ADAMTSL1: variants seen among roughly 807,000 people sequenced by gnomAD.
ADAMTSL1 encodes the protein ADAMTS like 1.
In ADAMTSL1, 126 loss-of-function variants were observed where a neutral mutation model predicts 201.8. The observed-to-expected ratio is 0.62, with a 90% confidence interval of 0.54 to 0.72. ADAMTSL1 has a LOEUF of 0.72. Ranked by LOEUF, ADAMTSL1 falls within the 30% of genes least tolerant of loss-of-function variation. The probability of loss-of-function intolerance (pLI) is 0.00; values close to 1 mark genes in which losing one functional copy is unlikely to be tolerated. For missense variants in ADAMTSL1, 2,679 were observed against 2,277.8 expected (o/e 1.18, Z -3.59); for synonymous variants, 1,121 against 903.4 (o/e 1.24, Z -4.32).
chr9:18,379,411 T>G (rs570988012), intron 2 of ADAMTSL1, among the ~76,000 whole-genome samples: 1 of 152,348 alleles, frequency 6.6e-6, no homozygotes, highest in East Asian at 1.9e-4. Context: ...TTTTCCCCTA[T>G]TGTTCAGTTT....
intron 1 of ADAMTSL1, among the ~76,000 whole-genome samples, chr9:17,987,877 C>T (rs192413967): frequency 6.6e-6 from 1 of 152,054 alleles, no homozygotes; most frequent in Admixed American, 6.6e-5. Context: ...CCTTTAATCT[C>T]TCTGTGATAA....
chr9:18,811,363 C>A (rs1295708806), intron 20 of ADAMTSL1, among the ~76,000 whole-genome samples: 1 of 152,216 alleles, frequency 6.6e-6, no homozygotes, highest in Non-Finnish European at 1.5e-5. Flanking sequence ...CCTTTCCCTC[C>A]CCACTGGGGT....
At chr9:18,254,667 GCCC>G (rs530444304) in intron 2 of ADAMTSL1, among the ~76,000 whole-genome samples, 1 of 41,816 alleles carries the variant, frequency 2.4e-5, no homozygotes, top group African/African-American at 8.1e-5. Context: ...CTGCCCCCCC[GCCC>G]CCCCCAGTAC....
chr9:18,279,623 T>G (rs1832709193), intron 2 of ADAMTSL1, among the ~76,000 whole-genome samples: 1 of 152,008 alleles, frequency 6.6e-6, no homozygotes, highest in Non-Finnish European at 1.5e-5. Context: ...CACTAGTAAC[T>G]GGACCTTAAG....
intron 1 of ADAMTSL1, among the ~76,000 whole-genome samples, chr9:18,099,828 G>T (rs1294701348): frequency 6.6e-6 from 1 of 151,584 alleles, no homozygotes; most frequent in East Asian, 1.9e-4. Context: ...GGGTTTCACT[G>T]TGTTACCCAG....
At chr9:18,068,882 T>C (rs549887102) in intron 1 of ADAMTSL1, among the ~76,000 whole-genome samples, 8 of 152,322 alleles carry the variant, frequency 5.3e-5, no homozygotes, top group Middle Eastern at 3.4e-3. Flanking sequence ...TACAGCACTT[T>C]ACTCTGGGAC....
Position 18,272,118 on chromosome 9 carries a change from C to T in ADAMTSL1, c.207+108137C>T, listed in dbSNP as rs536458484. Among the ~76,000 whole-genome samples the T allele has an allele frequency of 5.6e-3, 857 of 152,152 alleles. 9 individuals carry two copies. The highest frequency in any genetic ancestry group is 0.02 in the African/African-American group (830 of 41,510). On this transcript the variant is annotated intron_variant, in intron 2 of 29. Transcript: ENST00000680146. ...TAGATTGCAAAACTTTTCTCCCATT[C>T]TGTAGGTTGCCTGTTCACTCTGATG...
intron 1 of ADAMTSL1, among the ~76,000 whole-genome samples, chr9:18,112,754 A>G (rs1395495127): frequency 6.6e-6 from 1 of 152,144 alleles, no homozygotes; most frequent in East Asian, 1.9e-4. Flanking sequence ...CTCAATGTCA[A>G]TATCCCCCTC....
At chr9:18,590,573 TC>T (rs1304056669) in intron 4 of ADAMTSL1, among the ~76,000 whole-genome samples, 1 of 152,002 alleles carries the variant, frequency 6.6e-6, no homozygotes, top group African/African-American at 2.4e-5. Context: ...TTTAGTTTGT[TC>T]TTTTTTTTCT....
chr9:18,107,205 T>C (rs535915429), intron 1 of ADAMTSL1, among the ~76,000 whole-genome samples: 9 of 152,206 alleles, frequency 5.9e-5, no homozygotes, highest in South Asian at 2.1e-4. Flanking sequence ...GATTTGGAGA[T>C]AGAAGTGGTC....
intron 2 of ADAMTSL1, among the ~76,000 whole-genome samples, chr9:18,451,350 T>C (rs954100716): frequency 1.3e-5 from 2 of 152,132 alleles, no homozygotes; most frequent in Non-Finnish European, 2.9e-5. Context: ...TTATAATTAG[T>C]TTAGAAGTGA....
chr9:18,729,649 T>G (rs1483698467), intron 15 of ADAMTSL1, among the ~76,000 whole-genome samples: 2 of 152,112 alleles, frequency 1.3e-5, no homozygotes, highest in Non-Finnish European at 2.9e-5. Flanking sequence ...AAATGTCTAT[T>G]GAATGCCTGC....
At chr9:18,010,211 T>G (rs543912949) in intron 1 of ADAMTSL1, among the ~76,000 whole-genome samples, 2 of 152,142 alleles carry the variant, frequency 1.3e-5, no homozygotes, top group Non-Finnish European at 2.9e-5. Flanking sequence ...TTAAGGCAGA[T>G]TCTTAAAGTT....
chr9:18,425,178 G>A lies in ADAMTSL1; in HGVS notation c.208-79651G>A, dbSNP rs1030299595. 6.2e-5 allele frequency among the ~76,000 whole-genome samples: 9 copies of A among 145,240 alleles called. 1 individual carries two copies. Among genetic ancestry groups the A allele is most frequent in the South Asian group, 4.4e-4 (2 of 4,524 alleles). Reference sequence around the variant, plus strand: ...CACTCCACTCTCTCTCCCTCTCTTCGTTTCCTCCCTCCCCCACTTCATCTT... The same window carrying A: ...CACTCCACTCTCTCTCCCTCTCTTCATTTCCTCCCTCCCCCACTTCATCTT... On this transcript the variant is annotated intron_variant, in intron 2 of 29. Transcript: ENST00000680146.
chr9:18,418,908 G>T (rs538085374), intron 2 of ADAMTSL1, among the ~76,000 whole-genome samples: 8 of 152,180 alleles, frequency 5.3e-5, no homozygotes, highest in Non-Finnish European at 1.2e-4. Context: ...ACATAAAGTT[G>T]GAGGAATTAC....
intron 1 of ADAMTSL1, among the ~76,000 whole-genome samples, chr9:18,126,716 G>A (rs1444896280): frequency 1.3e-5 from 2 of 152,150 alleles, no homozygotes; most frequent in African/African-American, 4.8e-5. Context: ...GAGGCAGACA[G>A]GTTAAAATCA....
chr9:18,145,179 A>C (rs1826583025), intron 1 of ADAMTSL1, among the ~76,000 whole-genome samples: 1 of 152,182 alleles, frequency 6.6e-6, no homozygotes, highest in Admixed American at 6.5e-5. Flanking sequence ...AGGATAGAAA[A>C]CTTTAAAAGC....
intron 2 of ADAMTSL1, among the ~76,000 whole-genome samples, chr9:18,246,862 C>A (rs543112229): frequency 3.9e-5 from 6 of 152,092 alleles, no homozygotes; most frequent in African/African-American, 1.4e-4. Context: ...TTCAGTAGGC[C>A]CAATGTAATA....
At chr9:18,056,749 G>C (rs1008912708) in intron 1 of ADAMTSL1, among the ~76,000 whole-genome samples, 1 of 152,112 alleles carries the variant, frequency 6.6e-6, no homozygotes, top group African/African-American at 2.4e-5. Context: ...GTGGGGTAAC[G>C]TCCTGCTACA....
Sources: allele counts gnomAD v4.1 joint callset (sites outside exome capture counted in the v4.1 genomes callset), GRCh38; gene constraint gnomAD v4.1.1; transcripts MANE v1.5; gene names NCBI Gene and HGNC (gene_info 2026-07-23, HGNC 2026-07-21).